Variants in CDYL observed in about 807,000 individuals in gnomAD.
CDYL encodes chromodomain Y-like protein.
A neutral mutation model predicts 47.3 loss-of-function variants in CDYL; 8 were observed. That is an observed-to-expected ratio of 0.17 (90% CI 0.10 to 0.31). The LOEUF is 0.31. CDYL is among the 10% of genes least tolerant of loss of function. The pLI is 1.00. For synonymous variants in CDYL, 266 were observed against 265.0 expected, an observed-to-expected ratio of 1.00 and a Z score of -0.04; for missense variants, 471 against 701.4, an observed-to-expected ratio of 0.67 and a Z score of 3.71.
chr6:4,715,240 G>A (rs568461473), intron 1 of CDYL, among the ~76,000 whole-genome samples: 3 of 152,130 alleles, frequency 2.0e-5, no homozygotes, highest in African/African-American at 4.8e-5. Context: ...TGTATAAGAC[G>A]TCAGTTATGT....
intron 1 of CDYL, among the ~76,000 whole-genome samples, chr6:4,813,899 G>C: frequency 6.6e-6 from 1 of 151,156 alleles, no homozygotes; most frequent in East Asian, 1.9e-4. Flanking sequence ...TCAGCCTCCC[G>C]GCTGGAACTA....
intron 1 of CDYL, among the ~76,000 whole-genome samples, chr6:4,788,753 G>A (rs1561638192): frequency 6.6e-6 from 1 of 151,672 alleles, no homozygotes; most frequent in Non-Finnish European, 1.5e-5. Context: ...CAGCAGAAGT[G>A]TGTAATTCAT....
chr6:4,731,372 C>T (rs1002627517), intron 2 of CDYL, among the ~76,000 whole-genome samples: 2 of 152,174 alleles, frequency 1.3e-5, no homozygotes, highest in Non-Finnish European at 2.9e-5. Context: ...ACCTAAATAG[C>T]CAGCATGCCT....
chr6:4,707,751 GT>G (rs1380433996), intron 1 of CDYL, among the ~76,000 whole-genome samples: 1 of 151,982 alleles, frequency 6.6e-6, no homozygotes, highest in Non-Finnish European at 1.5e-5. Context: ...TTTTTTTATA[GT>G]TGCCATCCTA....
chr6:4,804,306 G>A (rs1284390154), intron 1 of CDYL, among the ~76,000 whole-genome samples: 3 of 152,216 alleles, frequency 2.0e-5, no homozygotes, highest in African/African-American at 7.2e-5. Flanking sequence ...CCATTATTCA[G>A]TCATGTTGAA....
intron 2 of CDYL, among the ~76,000 whole-genome samples, chr6:4,897,698 C>A (rs896770061): frequency 6.6e-6 from 1 of 151,918 alleles, no homozygotes; most frequent in African/African-American, 2.4e-5. Flanking sequence ...TGGAGGATAG[C>A]TTGAGGCCAG....
At chr6:4,913,557 G>A (rs893998066) in intron 2 of CDYL, among the ~76,000 whole-genome samples, 1 of 152,160 alleles carries the variant, frequency 6.6e-6, no homozygotes, top group African/African-American at 2.4e-5. Context: ...TGCATGACTG[G>A]CAAACAATTT....
chr6:4,726,290 A>C (rs939565247), intron 2 of CDYL, among the ~76,000 whole-genome samples: 1 of 152,032 alleles, frequency 6.6e-6, no homozygotes, highest in South Asian at 2.1e-4. Flanking sequence ...TAATCCCAGC[A>C]CTTTGGGAGG....
intron 1 of CDYL, among the ~76,000 whole-genome samples, chr6:4,872,660 A>G (rs1561680683): frequency 6.6e-6 from 1 of 152,200 alleles, no homozygotes; most frequent in Admixed American, 6.5e-5. Context: ...GATTACAGGC[A>G]TGAGCCACCA....
intron 4 of CDYL, among the ~76,000 whole-genome samples, chr6:4,937,966 T>C (rs535792952): frequency 3.3e-5 from 5 of 152,366 alleles, no homozygotes; most frequent in Admixed American, 3.3e-4. Flanking sequence ...GAATTACTAC[T>C]TGCCTTGGGC....
intron 2 of CDYL, among the ~76,000 whole-genome samples, chr6:4,899,034 C>A (rs1368302986): frequency 6.6e-6 from 1 of 152,208 alleles, no homozygotes; most frequent in Non-Finnish European, 1.5e-5. Flanking sequence ...ACTTAGAAAT[C>A]TGAGTACAGC....
chr6:4,881,036 T>G (rs1761748873), intron 1 of CDYL, among the ~76,000 whole-genome samples: 1 of 152,208 alleles, frequency 6.6e-6, no homozygotes, highest in Non-Finnish European at 1.5e-5. Context: ...TATTTCTGAC[T>G]TATCTGTGTC....
chr6:4,881,914 C>G (rs1303716455), intron 1 of CDYL, among the ~76,000 whole-genome samples: 1 of 152,212 alleles, frequency 6.6e-6, no homozygotes, highest in African/African-American at 2.4e-5. Flanking sequence ...TGTGTTTCTT[C>G]TAGACTACTT....
At chr6:4,879,551 G>GTTTTTTT (rs1581231563) in intron 1 of CDYL, among the ~76,000 whole-genome samples, 2 of 131,438 alleles carry the variant, frequency 1.5e-5, no homozygotes, top group African/African-American at 5.9e-5. Flanking sequence ...TTTTTTGTGG[G>GTTTTTTT]GTTTTTTTTT....
At chr6:4,778,301 T>G (rs1758523595) in intron 1 of CDYL, among the ~76,000 whole-genome samples, 1 of 152,226 alleles carries the variant, frequency 6.6e-6, no homozygotes, top group South Asian at 2.1e-4. Context: ...TGAGTATGAT[T>G]ACATAATCAG....
At position 4,739,834 on chromosome 6, in the gene CDYL, T is replaced by G. The variant is rs1169601888; in HGVS notation, c.186+4990T>G. 3.3e-5 allele frequency among the ~76,000 whole-genome samples: 5 copies of G among 151,854 alleles called. No homozygotes were observed. The South Asian group carries it at 1.0e-3, about 31-fold the overall frequency. On this transcript the variant is annotated intron_variant, in intron 3 of 8. Transcript: ENST00000328908. ...TGGGCATGGTGGCGCATGCCTGTAT[T>G]CCCAGCTACTCGGGAGGCTGAGACA...
intron 1 of CDYL, among the ~76,000 whole-genome samples, chr6:4,813,956 T>TTA (rs1759599751): frequency 2.1e-5 from 2 of 95,744 alleles, no homozygotes; most frequent in Admixed American, 1.1e-4. Context: ...TTTTTTTTTT[T>TTA]GTAGAAACAG....
chr6:4,734,771 C>T, exon 3 of CDYL: 5 of 1,614,116 alleles, frequency 3.1e-6, no homozygotes, highest in Middle Eastern at 3.3e-4. Flanking sequence ...GTGTCAGCAC[C>T]AGATGGGCCT....
At chr6:4,924,831 G>A (rs1229701960) in intron 2 of CDYL, among the ~76,000 whole-genome samples, 2 of 152,162 alleles carry the variant, frequency 1.3e-5, no homozygotes, top group Non-Finnish European at 2.9e-5. Context: ...GGCTTATGGG[G>A]GAAATGAGAT....
Sources: gnomAD v4.1 joint callset for allele counts (sites outside exome capture counted in the v4.1 genomes callset) on GRCh38, gnomAD v4.1.1 for gene constraint, MANE v1.5 for transcripts, NCBI Gene and HGNC (gene_info 2026-07-23, HGNC 2026-07-21) for gene names.